The following WNT5A variants were observed in gnomAD, a reference collection of about 807,000 sequenced individuals.
The protein encoded by WNT5A is Wnt family member 5A.
Under a neutral mutation model 42.1 loss-of-function variants are expected in WNT5A, and 9 were observed. The observed-to-expected ratio is 0.21, with a 90% CI of 0.13 to 0.37. The LOEUF is 0.37. WNT5A is among the 10% of genes least tolerant of loss of function. The pLI is 1.00. For missense variants in WNT5A, 426 were observed against 534.0 expected, an observed-to-expected ratio of 0.80 and a Z score of 1.99; for synonymous variants, 210 against 210.0, an observed-to-expected ratio of 1.00 and a Z score of 0.00.
At chr3:55,498,104 G>A in the WNT5A span, among the ~76,000 whole-genome samples, 1 of 152,134 alleles carries the variant, frequency 6.6e-6, no homozygotes, top group Non-Finnish European at 1.5e-5. Context: ...TACTTGTTTT[G>A]TTTTGAACCC....
Position 55,466,666 on chromosome 3 carries a change from T to C in WNT5A, c.*3426A>G, listed in dbSNP as rs1175939445. The stretch of plus-strand genomic sequence containing the variant: ...CTATATATAAATTTTTTATTAATTT[T>C]CTTGTATTGGGAAGATCTTGAATAC... On this transcript the variant is annotated 3_prime_UTR_variant, in exon 5 of 5. Transcript: ENST00000264634. 1 of 152,624 alleles carries C rather than the reference T, an allele frequency of 6.6e-6. No individual in the cohort carries two copies. Among genetic ancestry groups the C allele is most frequent in the Non-Finnish European group, 1.5e-5 (1 of 68,034 alleles). The allele number at this position is 152,624 out of a possible 1,614,324, so 9.5% of individuals were successfully genotyped here. A position where few individuals can be genotyped will look rare whatever the true frequency, so the allele number is the denominator to read the frequency against.
At chr3:55,479,104 C>T (rs1056017785) in intron 3 of WNT5A, 2 of 417,606 alleles carry the variant, frequency 4.8e-6, no homozygotes, top group Admixed American at 8.5e-5. Context: ...GTGATACTTG[C>T]CTCCTGATTT....
intron 4 of WNT5A, among the ~76,000 whole-genome samples, chr3:55,471,101 T>C (rs912741298): frequency 2.0e-5 from 3 of 151,976 alleles, no homozygotes; most frequent in Non-Finnish European, 4.4e-5. Flanking sequence ...TTGGGAAGAG[T>C]CCAGCCCCAG....
At chr3:55,498,867 T>TG in the WNT5A span, among the ~76,000 whole-genome samples, 1 of 152,052 alleles carries the variant, frequency 6.6e-6, no homozygotes, top group Non-Finnish European at 1.5e-5. Flanking sequence ...GGGTAAGGGT[T>TG]GGGGGGCATC....
At chr3:55,501,764 A>G in the WNT5A span, 1 of 152,242 alleles carries the variant, frequency 6.6e-6, no homozygotes. Flanking sequence ...CTCCAAGGGC[A>G]TACGCAAAGA....
Position 55,474,404 on chromosome 3 carries a change from T to A in WNT5A, c.617A>T (p.His206Leu). ...FVDARERERI[H>L]AKGSYESARI... ...AGCACTCTCGTAGGAGCCCTTGGCG[T>A]GGATGCGCTCCCGCTCGCGGGCGTC... The change falls in exon 4 of 5, where the codon CAC becomes CTC. Residue 206 changes from histidine (H) to leucine (L), a missense_variant. This residue lies in a region of WNT5A where 358 missense variants were observed against 468.1 expected (regional missense o/e 0.76). Transcript: ENST00000264634. 6.2e-7 allele frequency: 1 copy of A among 1,612,548 alleles called. No individual in the cohort carries two copies. The highest frequency in any genetic ancestry group is 1.1e-5 in the South Asian group (1 of 91,042).
At chr3:55,491,526 G>A (rs1161572672), upstream of WNT5A, among the ~76,000 whole-genome samples, 1 of 152,198 alleles carries the variant, frequency 6.6e-6, no homozygotes, top group Non-Finnish European at 1.5e-5. Flanking sequence ...ACAAAGCAGA[G>A]TGCAAGATAA....
chr3:55,481,684 T>C (rs1324436441), intron 1 of WNT5A, among the ~76,000 whole-genome samples: 1 of 151,910 alleles, frequency 6.6e-6, no homozygotes, highest in Non-Finnish European at 1.5e-5. Context: ...ATGGGGGCCC[T>C]AGGGGATAAT....
At position 55,468,229 on chromosome 3, in the gene WNT5A, G is replaced by A. The variant is rs1386288410; in HGVS notation, c.*1863C>T. ...GTACTGTCATTTCTAATAGGCATGG[G>A]TTTCCATTCTGCAGAATGAACTAAG... is the stretch of plus-strand genomic sequence containing the variant. On this transcript the variant is annotated 3_prime_UTR_variant, in exon 5 of 5. Transcript: ENST00000264634. The A allele has an allele frequency of 6.6e-6, 1 of 151,704 alleles. No homozygotes were observed. The highest frequency in any genetic ancestry group is 1.5e-5 in the Non-Finnish European group (1 of 67,990). 9.4% of individuals were successfully genotyped at this position (151,704 alleles called of 1,614,324 possible). A position where few individuals can be genotyped will look rare whatever the true frequency, so the allele number is the denominator to read the frequency against.
At chr3:55,491,070 G>C (rs2051653917), upstream of WNT5A, among the ~76,000 whole-genome samples, 1 of 152,160 alleles carries the variant, frequency 6.6e-6, no homozygotes, top group Non-Finnish European at 1.5e-5. Context: ...CTGGCACTTA[G>C]TAGGTGCTTA....
At chr3:55,486,050 A>C (rs2051572276) in intron 1 of WNT5A, among the ~76,000 whole-genome samples, 1 of 152,226 alleles carries the variant, frequency 6.6e-6, no homozygotes, top group South Asian at 2.1e-4. Flanking sequence ...AGAAACGTTA[A>C]CTTTTCGTAA....
rs568443423 is a variant in WNT5A at position 55,468,040 on chromosome 3, G to T, written c.*2052C>A. Reference sequence around the variant, plus strand: ...GATATGAAAGCCAACCTGCCTAAGGGGGGTATGAAAGATGTGTATCTTTCC... The same window carrying T: ...GATATGAAAGCCAACCTGCCTAAGGTGGGTATGAAAGATGTGTATCTTTCC... On this transcript the variant is annotated 3_prime_UTR_variant, in exon 5 of 5. Transcript: ENST00000264634. The T allele has an allele frequency of 1.3e-5, 2 of 152,086 alleles. No homozygotes were observed. Among genetic ancestry groups the T allele is most frequent in the Non-Finnish European group, 2.9e-5 (2 of 67,998 alleles). The allele number at this position is 152,086 out of a possible 1,614,324, so 9.4% of individuals were successfully genotyped here.
upstream of WNT5A, among the ~76,000 whole-genome samples, chr3:55,495,528 T>C (rs1328055019): frequency 6.6e-6 from 1 of 152,238 alleles, no homozygotes; most frequent in Non-Finnish European, 1.5e-5. Flanking sequence ...TCTTCTTTTT[T>C]AAGACTGAAT....
chr3:55,481,833 C>G (rs866166125), intron 1 of WNT5A, among the ~76,000 whole-genome samples: 7 of 152,292 alleles, frequency 4.6e-5, no homozygotes, highest in Middle Eastern at 6.8e-3. Context: ...TCTCGCTTCC[C>G]CGGGGAGAAG....
chr3:55,490,082 G>A (rs79788398), upstream of WNT5A: 2,934 of 152,370 alleles, frequency 0.019, 42 homozygotes, highest in Non-Finnish European at 0.028. Context: ...CTATGAAAGG[G>A]GCTGCCAAAG....
At chr3:55,492,806 T>C (rs1458908993), upstream of WNT5A, among the ~76,000 whole-genome samples, 2 of 152,240 alleles carry the variant, frequency 1.3e-5, no homozygotes, top group African/African-American at 2.4e-5. Context: ...CTTTGTGAGA[T>C]AGATCGTATT....
chr3:55,481,629 T>A (rs1692808402), intron 1 of WNT5A, among the ~76,000 whole-genome samples: 1 of 152,120 alleles, frequency 6.6e-6, no homozygotes, highest in Admixed American at 6.5e-5. Flanking sequence ...CAGCCCGGAT[T>A]TCCTTAAGGA....
intron 4 of WNT5A, among the ~76,000 whole-genome samples, chr3:55,472,026 A>G (rs1297236466): frequency 1.3e-5 from 2 of 152,160 alleles, no homozygotes; most frequent in Non-Finnish European, 2.9e-5. Flanking sequence ...AGGAAAATTA[A>G]AAAGCTAACA....
upstream of WNT5A, chr3:55,490,468 A>G (rs1425134610): frequency 6.6e-6 from 1 of 152,250 alleles, no homozygotes; most frequent in African/African-American, 2.4e-5. Flanking sequence ...CACCTTGTCT[A>G]GCCTCTCAGC....
Sources: gnomAD v4.1 joint callset for allele counts (sites outside exome capture counted in the v4.1 genomes callset) on GRCh38, gnomAD v4.1.1 for gene constraint, gnomAD v4.1.1 regional missense constraint, MANE v1.5 for transcripts, NCBI Gene and HGNC (gene_info 2026-07-23, HGNC 2026-07-21) for gene names.